Variants in RBFOX1 observed in about 807,000 individuals in gnomAD.
RBFOX1 encodes the protein RNA binding protein fox-1 homolog 1.
RBFOX1 carries 8 observed loss-of-function variants against 57.7 expected under a neutral mutation model. The observed-to-expected ratio is 0.14, with a 90% CI of 0.08 to 0.25. The LOEUF (loss-of-function observed/expected upper bound fraction) is 0.25, where lower values mean the gene tolerates loss of function less well. Among genes scored for constraint, RBFOX1 ranks in the 10% least tolerant of loss-of-function variants. The pLI is 1.00. For synonymous variants in RBFOX1, 326 were observed against 222.4 expected (o/e 1.47, Z -4.15); for missense variants, 611 against 548.5 (o/e 1.11, Z -1.14).
intron 4 of RBFOX1, among the ~76,000 whole-genome samples, chr16:7,440,724 G>A (rs1044310030): frequency 6.6e-6 from 1 of 152,152 alleles, no homozygotes; most frequent in African/African-American, 2.4e-5. Flanking sequence ...GGGCTGGGGA[G>A]GAGGGAAGAA....
At chr16:6,636,165 T>G (rs910682887) in intron 2 of RBFOX1, among the ~76,000 whole-genome samples, 36 of 152,204 alleles carry the variant, frequency 2.4e-4, no homozygotes, top group African/African-American at 8.4e-4. Context: ...TGGGGGCACT[T>G]GGATTTGGGA....
chr16:5,718,685 T>A (rs922363090), intron 3 of RBFOX1, among the ~76,000 whole-genome samples: 2 of 152,150 alleles, frequency 1.3e-5, no homozygotes, highest in African/African-American at 4.8e-5. Context: ...GGCAGGTGGA[T>A]CACCTGAAGT....
chr16:5,789,570 A>G (rs2054619657), intron 3 of RBFOX1, among the ~76,000 whole-genome samples: 1 of 152,142 alleles, frequency 6.6e-6, no homozygotes, highest in African/African-American at 2.4e-5. Context: ...TAGTACTGGC[A>G]CTAGTATTTT....
chr16:7,691,994 C>G (rs1382779968), intron 14 of RBFOX1, among the ~76,000 whole-genome samples: 1 of 152,026 alleles, frequency 6.6e-6, no homozygotes, highest in Non-Finnish European at 1.5e-5. Context: ...GTGTTATTGC[C>G]CCTTCTATAA....
chr16:6,869,243 C>T (rs1411086900), intron 3 of RBFOX1, among the ~76,000 whole-genome samples: 1 of 152,172 alleles, frequency 6.6e-6, no homozygotes, highest in African/African-American at 2.4e-5. Flanking sequence ...CCTATATGTG[C>T]AAAGTGCTTG....
chr16:6,906,715 T>G (rs891860414), intron 3 of RBFOX1, among the ~76,000 whole-genome samples: 3 of 140,994 alleles, frequency 2.1e-5, no homozygotes, highest in Non-Finnish European at 4.5e-5. Context: ...CATAAATATT[T>G]GCAGAACTAT....
At chr16:5,785,156 G>A (rs1301240794) in intron 3 of RBFOX1, among the ~76,000 whole-genome samples, 1 of 152,214 alleles carries the variant, frequency 6.6e-6, no homozygotes, top group Non-Finnish European at 1.5e-5. Flanking sequence ...GGGTGTTAAA[G>A]AGACGGGACA....
chr16:6,729,509 C>G (rs1009526678), intron 3 of RBFOX1, among the ~76,000 whole-genome samples: 7 of 152,094 alleles, frequency 4.6e-5, no homozygotes, highest in African/African-American at 1.7e-4. Context: ...CCAGTTTAGA[C>G]ATAGAAACAA....
chr16:7,682,539 GT>G (rs2075027979), intron 14 of RBFOX1, among the ~76,000 whole-genome samples: 1 of 147,758 alleles, frequency 6.8e-6, no homozygotes, highest in African/African-American at 2.5e-5. Context: ...GCTGTTCTTG[GT>G]TTTAGTTTTT....
intron 1 of RBFOX1, among the ~76,000 whole-genome samples, chr16:5,278,436 A>G (rs1234551229): frequency 6.6e-6 from 1 of 152,142 alleles, no homozygotes; most frequent in Non-Finnish European, 1.5e-5. Context: ...TTTGCCCATC[A>G]CTATGTACCG....
At chr16:7,433,221 G>T (rs912267068) in intron 4 of RBFOX1, among the ~76,000 whole-genome samples, 1 of 152,100 alleles carries the variant, frequency 6.6e-6, no homozygotes, top group Non-Finnish European at 1.5e-5. Context: ...TATGCAAAAA[G>T]GTTTTCTTGC....
intron 3 of RBFOX1, among the ~76,000 whole-genome samples, chr16:6,844,484 C>A (rs948317615): frequency 2.0e-5 from 3 of 152,144 alleles, no homozygotes; most frequent in Admixed American, 2.0e-4. Context: ...TCTTCCAACT[C>A]CATCTATGTC....
chr16:7,664,955 G>C lies in RBFOX1; in HGVS notation c.917G>C (p.Gly306Ala), dbSNP rs775730555. 3.7e-6 allele frequency: 6 copies of C among 1,613,750 alleles called. No homozygotes were observed. Among genetic ancestry groups the C allele is most frequent in the Non-Finnish European group, 5.1e-6 (6 of 1,179,850 alleles). The change falls in exon 13 of 16, where the codon GGT (glycine) becomes GCT (alanine). Residue 306 changes from glycine to alanine, a missense_variant. By Grantham distance (60) the Gly-to-Ala change is moderately conservative. Transcript: ENST00000550418. The stretch of plus-strand genomic sequence containing the variant: ...GTTGTTTACCAGGATGGATTTTATG[G>C]TGCAGACATTTATGTAAGTATTCAT... ...GGVVYQDGFY[G>A]ADIYGGYAAY...
intron 4 of RBFOX1, among the ~76,000 whole-genome samples, chr16:5,912,203 C>T (rs2058617611): frequency 6.6e-6 from 1 of 152,134 alleles, no homozygotes; most frequent in Non-Finnish European, 1.5e-5. Flanking sequence ...TCAGTTTTTT[C>T]ATCCATGTAG....
intron 2 of RBFOX1, among the ~76,000 whole-genome samples, chr16:6,318,684 G>C (rs9972879): frequency 0.071 from 10,795 of 152,062 alleles, 1,309 homozygotes; most frequent in African/African-American, 0.24. Flanking sequence ...TTAGTACATG[G>C]ATGTAAGGGA....
At chr16:6,372,245 G>A (rs1306073106) in intron 2 of RBFOX1, among the ~76,000 whole-genome samples, 1 of 151,934 alleles carries the variant, frequency 6.6e-6, no homozygotes, top group African/African-American at 2.4e-5. Context: ...AGTATTGTTG[G>A]GTGGAATAGA....
intron 4 of RBFOX1, among the ~76,000 whole-genome samples, chr16:7,127,290 C>T (rs2068850344): frequency 6.6e-6 from 1 of 152,254 alleles, no homozygotes; most frequent in African/African-American, 2.4e-5. Flanking sequence ...ATCCATAGTA[C>T]TTATGATACT....
chr16:6,285,123 A>G (rs1315958840), intron 1 of RBFOX1, among the ~76,000 whole-genome samples: 1 of 152,148 alleles, frequency 6.6e-6, no homozygotes, highest in Non-Finnish European at 1.5e-5. Context: ...AAAAATGAAA[A>G]TTAAAAATAA....
At chr16:7,566,791 G>T (rs988049819) in intron 5 of RBFOX1, among the ~76,000 whole-genome samples, 1 of 152,006 alleles carries the variant, frequency 6.6e-6, no homozygotes, top group Non-Finnish European at 1.5e-5. Flanking sequence ...GCCTTCCTCA[G>T]TGATCCTTTT....
Sources: gnomAD v4.1 joint callset for allele counts (sites outside exome capture counted in the v4.1 genomes callset) on GRCh38, gnomAD v4.1.1 for gene constraint, MANE v1.5 for transcripts, NCBI Gene and HGNC (gene_info 2026-07-23, HGNC 2026-07-21) for gene names.